Variants in TMEM63A observed in about 807,000 individuals in gnomAD.
TMEM63A encodes mechanosensitive cation channel TMEM63A.
TMEM63A carries 76 observed loss-of-function variants against 100.6 expected under a neutral mutation model. That is an observed-to-expected ratio of 0.76 (90% CI 0.63 to 0.91). The LOEUF (loss-of-function observed/expected upper bound fraction) is 0.91, where lower values mean the gene tolerates loss of function less well. Among genes scored for constraint, TMEM63A ranks in the 40% least tolerant of loss-of-function variants. The pLI, the probability that TMEM63A is intolerant of heterozygous loss-of-function variation, is 0.00. For missense variants in TMEM63A, 876 were observed against 1,008.8 expected (o/e 0.87, Z 1.78); for synonymous variants, 401 against 401.1 (o/e 1.00, Z 0.00).
intron 15 of TMEM63A, among the ~76,000 whole-genome samples, chr1:225,857,379 C>CGGGCGGGGGGGGG (rs1553489769): frequency 8.9e-6 from 1 of 112,716 alleles, no homozygotes; most frequent in African/African-American, 4.4e-5. Context: ...TCCTGGCCGG[C>CGGGCGGGGGGGGG]GGGGCGGGGG....
chr1:225,856,347 T>TTTG (rs1669612005), intron 17 of TMEM63A, among the ~76,000 whole-genome samples: 1 of 143,384 alleles, frequency 7.0e-6, no homozygotes, highest in Admixed American at 6.8e-5. Context: ...TTTTTTTTTT[T>TTTG]GAGACAGAGT....
chr1:225,862,228 T>C lies in TMEM63A; in HGVS notation c.1075A>G (p.Met359Val), dbSNP rs1380713722. The change falls in exon 13 of 25, where the codon ATG becomes GTG. Residue 359 changes from methionine (M) to valine (V), a missense_variant. Coordinates refer to ENST00000366835, the MANE Select transcript of TMEM63A (RefSeq NM_014698.3). The surrounding 1 kb of genome is among the most constrained non-coding windows in gnomAD (Gnocchi z 5.1). ...TGTGCCTACACTCACTAGGTGGCCA[T>C]GGACTTCTCCTGGAAGGTGACGAAG... ...MAFVTFQEKS[M>V]ATYILKDFNA... 1 of 1,614,010 alleles carries C rather than the reference T, an allele frequency of 6.2e-7. No homozygotes were observed. Among genetic ancestry groups the C allele is most frequent in the Non-Finnish European group, 8.5e-7 (1 of 1,180,028 alleles).
chr1:225,881,468 G>A (rs773442421), intron 1 of TMEM63A, among the ~76,000 whole-genome samples: 2 of 152,172 alleles, frequency 1.3e-5, no homozygotes, highest in African/African-American at 2.4e-5. Context: ...CCCACCTGAC[G>A]TCTTCTCTGT....
intron 14 of TMEM63A, 164 bp from the exon 15 acceptor site, chr1:225,859,513 C>T: frequency 2.5e-6 from 2 of 800,906 alleles, no homozygotes; most frequent in Non-Finnish European, 1.9e-6. Context: ...TCCCCAAGAG[C>T]TCAGAGGGAA....
At position 225,867,911 on chromosome 1, in the gene TMEM63A, A is replaced by T; in HGVS notation, c.491T>A (p.Val164Asp). The change falls in exon 7 of 25, where the codon GTC becomes GAC. Residue 164 changes from valine (V) to aspartate (D), a missense_variant. This residue lies in a region of TMEM63A where 487 missense variants were observed against 581.9 expected (regional missense o/e 0.84). Transcript: ENST00000366835. The surrounding 1 kb of genome is among the most constrained non-coding windows in gnomAD (Gnocchi z 4.6). ...SFLSLCVILP[V>D]NLSGDLLDKD... Reference sequence around the variant, plus strand: ...ACCCAGCAAGTCCCCTGAGAGGTTGACAGGCAGGATGACACACAGGGACAA... The same window carrying T: ...ACCCAGCAAGTCCCCTGAGAGGTTGTCAGGCAGGATGACACACAGGGACAA... 6.2e-7 allele frequency: 1 copy of T among 1,614,194 alleles called. No homozygotes were observed. The highest frequency in any genetic ancestry group is 8.5e-7 in the Non-Finnish European group (1 of 1,180,036).
intron 5 of TMEM63A, chr1:225,871,541 C>T (rs1272194150): frequency 4.8e-6 from 1 of 210,430 alleles, no homozygotes; most frequent in Non-Finnish European, 9.5e-6. Flanking sequence ...AACTTAATAC[C>T]CCTAAAGCTG....
At chr1:225,856,072 T>C in intron 17 of TMEM63A, 132 bp from the exon 18 acceptor site, 1 of 858,306 alleles carries the variant, frequency 1.2e-6, no homozygotes, top group Non-Finnish European at 1.8e-6. Context: ...CGATGCCACT[T>C]ACTACGGCAT....
In TMEM63A at chr1:225,859,326, A is replaced by G; in HGVS notation, c.1247T>C (p.Leu416Pro). Residue 416 changes from leucine to proline, a missense_variant, in exon 15 of 25, where the codon CTC (leucine) becomes CCC (proline). Coordinates refer to ENST00000366835, the MANE Select transcript of TMEM63A (RefSeq NM_014698.3). ...GCCCAGCCACTGTAGCCACCAGCGG[A>G]GGCCCTGGATAGAGAGGTTCTTCCT... ...ICWKNLSIQG[L>P]RWWLQWLGIN... 1.9e-6 allele frequency: 3 copies of G among 1,614,080 alleles called. No individual in the cohort carries two copies. The highest frequency in any genetic ancestry group is 2.5e-6 in the Non-Finnish European group (3 of 1,180,042).
chr1:225,845,769 G>A lies in TMEM63A; in HGVS notation c.*1170C>T. 1 of 302,962 alleles carries A rather than the reference G, an allele frequency of 3.3e-6. No homozygotes were observed. The highest frequency in any genetic ancestry group is 8.7e-5 in the East Asian group (1 of 11,480). 18.8% of individuals were successfully genotyped at this position (302,962 alleles called of 1,614,324 possible). ...GCAGCTTGGAGCAGAGGCAGCACTGGCCACCACTGCGGGGGCAAGTCAGCG... is the reference window on the plus strand; with the variant it reads ...GCAGCTTGGAGCAGAGGCAGCACTGACCACCACTGCGGGGGCAAGTCAGCG... On this transcript the variant is annotated 3_prime_UTR_variant, in exon 25 of 25. Transcript: ENST00000366835.
chr1:225,858,298 T>C (rs1669739356), intron 15 of TMEM63A, among the ~76,000 whole-genome samples: 1 of 151,730 alleles, frequency 6.6e-6, no homozygotes, highest in Non-Finnish European at 1.5e-5. Context: ...AAATCGTTCA[T>C]TACCTATACA....
rs1004877552 is a variant in TMEM63A at position 225,867,497 on chromosome 1, G to A, written c.515-334C>T. ...TGGATTCATGGTGGCATTTTGGAAG[G>A]TGGATTCTTGCAGTTGCCCTTAGAT... On this transcript the variant is annotated intron_variant, in intron 7 of 24. Coordinates refer to ENST00000366835, the MANE Select transcript of TMEM63A (RefSeq NM_014698.3). The surrounding 1 kb of genome is among the most constrained non-coding windows in gnomAD (Gnocchi z 4.6). 1.3e-5 allele frequency among the ~76,000 whole-genome samples: 2 copies of A among 152,198 alleles called. No individual in the cohort carries two copies. Among genetic ancestry groups the A allele is most frequent in the African/African-American group, 2.4e-5 (1 of 41,444 alleles).
At chr1:225,874,416 T>C (rs1157878540) in intron 3 of TMEM63A, 49 bp from the exon 4 acceptor site, 1 of 1,548,738 alleles carries the variant, frequency 6.5e-7, no homozygotes, top group Non-Finnish European at 8.9e-7. Context: ...TGGCTTCTCA[T>C]TAGAAGACAC....
At chr1:225,844,743 C>A, downstream of TMEM63A, 1 of 1,486,668 alleles carries the variant, frequency 6.7e-7, no homozygotes. Context: ...TGCAGGTGCC[C>A]CAGGGGCCCT....
Position 225,849,903 on chromosome 1 carries a change from G to T in TMEM63A, c.2071+9C>A. ...CAAGGGCTGGCCCCAGGTCAGAAGG[G>T]CTGCTCACCCAGGCGCAGGAAGGAA... On this transcript the variant is annotated intron_variant, in intron 21 of 24. Coordinates refer to ENST00000366835, the MANE Select transcript of TMEM63A (RefSeq NM_014698.3). 5 of 1,613,342 alleles carry T rather than the reference G, an allele frequency of 3.1e-6. No individual in the cohort carries two copies. Among genetic ancestry groups the T allele is most frequent in the Non-Finnish European group, 4.2e-6 (5 of 1,179,646 alleles).
chr1:225,867,318 T>G lies in TMEM63A; in HGVS notation c.515-155A>C. The stretch of plus-strand genomic sequence containing the variant: ...GACTGGTCTTTCCAGAGCTACACCA[T>G]CAAGGCCTCTGCTTGAAACCAAAAT... On this transcript the variant is annotated intron_variant, in intron 7 of 24. Transcript: ENST00000366835. This position sits in a 1 kb window ranked among gnomAD's most constrained non-coding sequence, Gnocchi z 4.6. Among the ~76,000 whole-genome samples the G allele has an allele frequency of 6.6e-6, 1 of 152,162 alleles. No homozygotes were observed. The highest frequency in any genetic ancestry group is 1.5e-5 in the Non-Finnish European group (1 of 68,024).
In TMEM63A at chr1:225,845,597, AC is replaced by A. The variant is rs1365329613; in HGVS notation, c.*1341del. 3 of 560,992 alleles carry A rather than the reference AC, an allele frequency of 5.3e-6. No homozygotes were observed. The highest frequency in any genetic ancestry group is 9.6e-6 in the Non-Finnish European group (3 of 312,844). 34.8% of individuals were successfully genotyped at this position (560,992 alleles called of 1,614,324 possible). A position where few individuals can be genotyped will look rare whatever the true frequency, so the allele number is the denominator to read the frequency against. ...AACTCAGTGACATGAGCGTGCGCTG[AC>A]CCCACATGGGGCCCCCTGTGCAAGC... On this transcript the variant is annotated 3_prime_UTR_variant, in exon 25 of 25. Transcript: ENST00000366835.
chr1:225,866,917 G>A (rs1252452043), intron 8 of TMEM63A, among the ~76,000 whole-genome samples, 195 bp downstream of exon 8: 2 of 152,182 alleles, frequency 1.3e-5, no homozygotes, highest in African/African-American at 2.4e-5. Context: ...GACCCTCCGT[G>A]TTTCTTAAAA....
At chr1:225,844,393 G>T (rs564225501), downstream of TMEM63A, 60 of 1,577,670 alleles carry the variant, frequency 3.8e-5, no homozygotes, top group East Asian at 1.2e-3. Context: ...TCTGAGGAGG[G>T]AAGCCGCATG....
At position 225,847,198 on chromosome 1, in the gene TMEM63A, T is replaced by C. The variant is rs772718652; in HGVS notation, c.2266A>G (p.Ile756Val). 1 of 1,613,372 alleles carries C rather than the reference T, an allele frequency of 6.2e-7. No homozygotes were observed. The highest frequency in any genetic ancestry group is 8.5e-7 in the Non-Finnish European group (1 of 1,179,914). Reference sequence around the variant, plus strand: ...CTCTCCGAGGCCAAGCCGTTCAGAATCCGAGGCACGTAGGGCTGTCAGCAA... The same window carrying C: ...CTCTCCGAGGCCAAGCCGTTCAGAACCCGAGGCACGTAGGGCTGTCAGCAA... Reference protein sequence around the residue: ...PPPFTPYVPRILNGLASERTA... With the variant: ...PPPFTPYVPRVLNGLASERTA... Residue 756 changes from isoleucine (I) to valine (V), a missense_variant, in exon 24 of 25, where the codon ATT becomes GTT. By Grantham distance (29) the Ile-to-Val change is conservative. Transcript: ENST00000366835.
Sources: gnomAD v4.1 joint callset for allele counts (sites outside exome capture counted in the v4.1 genomes callset) on GRCh38, gnomAD v4.1.1 for gene constraint, gnomAD v4.1.1 regional missense constraint, Gnocchi (gnomAD v3.1) non-coding constraint, MANE v1.5 for transcripts, NCBI Gene and HGNC (gene_info 2026-07-23, HGNC 2026-07-21) for gene names.